AKR1C8: variants seen among roughly 807,000 people sequenced by gnomAD.
AKR1C8 encodes the protein aldo-keto reductase family 1 member C8.
chr10:5,173,488 A>T, the AKR1C8 span, among the ~76,000 whole-genome samples: 1,042 of 152,216 alleles, frequency 6.8e-3, 17 homozygotes, highest in African/African-American at 0.024. Flanking sequence ...TGAGAAGCAG[A>T]TGCAAAGGCA....
chr10:5,161,453 A>C, the AKR1C8 span, among the ~76,000 whole-genome samples: 1 of 152,206 alleles, frequency 6.6e-6, no homozygotes, highest in Non-Finnish European at 1.5e-5. Flanking sequence ...TGAAGGGTAC[A>C]TACGGGAGAC....
the AKR1C8 span, chr10:5,155,170 G>A: frequency 3.9e-5 from 6 of 152,132 alleles, no homozygotes; most frequent in Non-Finnish European, 8.8e-5. Context: ...GCTTCCCTAG[G>A]AGACAGGCAC....
chr10:5,167,115 A>G, the AKR1C8 span, among the ~76,000 whole-genome samples: 1 of 151,356 alleles, frequency 6.6e-6, no homozygotes, highest in Admixed American at 6.5e-5. Context: ...AATGGTGATC[A>G]TTAAAAAGTC....
chr10:5,162,030 A>G, the AKR1C8 span: 37 of 499,454 alleles, frequency 7.4e-5, no homozygotes, highest in Non-Finnish European at 1.3e-4. Context: ...GAGGACAAAA[A>G]TTAAACTTCA....
chr10:5,154,350 AC>A, the AKR1C8 span: 1 of 251,280 alleles, frequency 4.0e-6, no homozygotes, highest in Non-Finnish European at 8.7e-6. Context: ...CATTTCTAAT[AC>A]CCACACCTGA....
At chr10:5,131,076 A>G in the AKR1C8 span, among the ~76,000 whole-genome samples, 1 of 152,040 alleles carries the variant, frequency 6.6e-6, no homozygotes, top group Non-Finnish European at 1.5e-5. Context: ...AAAAACATAA[A>G]TTGGGGAAAA....
the AKR1C8 span, among the ~76,000 whole-genome samples, chr10:5,152,790 G>A: frequency 1.3e-5 from 2 of 152,124 alleles, no homozygotes; most frequent in African/African-American, 4.8e-5. Context: ...CCTTTCATCA[G>A]GTGATTTTCA....
the AKR1C8 span, among the ~76,000 whole-genome samples, chr10:5,145,449 TGA>T: frequency 6.6e-6 from 1 of 152,204 alleles, no homozygotes; most frequent in South Asian, 2.1e-4. Context: ...CCTACTCATC[TGA>T]TAAAGGGCTA....
chr10:5,155,637 GA>G, the AKR1C8 span: 1 of 449,408 alleles, frequency 2.2e-6, no homozygotes, highest in East Asian at 7.3e-5. Context: ...GCATACTACA[GA>G]AAACAGCCTG....
the AKR1C8 span, among the ~76,000 whole-genome samples, chr10:5,144,590 A>C: frequency 2.0e-5 from 3 of 151,664 alleles, no homozygotes; most frequent in Admixed American, 6.6e-5. Flanking sequence ...GGTCCTTCAC[A>C]TCCCTTGTAA....
chr10:5,177,068 G>A, the AKR1C8 span, among the ~76,000 whole-genome samples: 6 of 152,136 alleles, frequency 3.9e-5, no homozygotes, highest in East Asian at 7.7e-4. Flanking sequence ...TTTTCAAAGG[G>A]AATGCTTCCA....
chr10:5,130,458 T>C, the AKR1C8 span, among the ~76,000 whole-genome samples: 11 of 151,924 alleles, frequency 7.2e-5, no homozygotes, highest in Admixed American at 6.6e-4. Context: ...AGAAAGGGCA[T>C]TGAAATTTGA....
chr10:5,126,284 G>C, the AKR1C8 span, among the ~76,000 whole-genome samples: 3 of 152,158 alleles, frequency 2.0e-5, no homozygotes, highest in Non-Finnish European at 4.4e-5. Flanking sequence ...CACAGGAGGA[G>C]CACTCCCCAG....
chr10:5,126,791 T>A, the AKR1C8 span, among the ~76,000 whole-genome samples: 1 of 151,878 alleles, frequency 6.6e-6, no homozygotes, highest in Admixed American at 6.6e-5. Context: ...AACCAGCATC[T>A]GAGGAAGCCA....
At chr10:5,182,267 A>T in the AKR1C8 span, among the ~76,000 whole-genome samples, 1 of 152,240 alleles carries the variant, frequency 6.6e-6, no homozygotes, top group African/African-American at 2.4e-5. Flanking sequence ...CACAATTTTT[A>T]AAAATGATTA....
At chr10:5,136,581 T>A in the AKR1C8 span, among the ~76,000 whole-genome samples, 1 of 152,188 alleles carries the variant, frequency 6.6e-6, no homozygotes, top group Non-Finnish European at 1.5e-5. Flanking sequence ...TTTTTTGACA[T>A]TTTAAGAATA....
the AKR1C8 span, chr10:5,132,479 A>G: frequency 1.1e-5 from 10 of 880,998 alleles, no homozygotes; most frequent in African/African-American, 1.6e-4. Context: ...ATACATGAAT[A>G]TGTGTCAATA....
chr10:5,124,587 C>A, the AKR1C8 span, among the ~76,000 whole-genome samples: 1 of 151,804 alleles, frequency 6.6e-6, no homozygotes, highest in Non-Finnish European at 1.5e-5. Flanking sequence ...AATAATAACA[C>A]AATACAAAAA....
the AKR1C8 span, among the ~76,000 whole-genome samples, chr10:5,171,078 A>C: frequency 0.53 from 79,916 of 151,918 alleles, 22,036 homozygotes; most frequent in Non-Finnish European, 0.6. Flanking sequence ...TAATTTATGC[A>C]GCTAATTCCT....
Sources: gnomAD v4.1 joint callset for allele counts (sites outside exome capture counted in the v4.1 genomes callset) on GRCh38, gnomAD v4.1.1 for gene constraint, MANE v1.5 for transcripts, NCBI Gene and HGNC (gene_info 2026-07-23, HGNC 2026-07-21) for gene names.